MSRA: variants seen among roughly 807,000 people sequenced by gnomAD.
MSRA encodes mitochondrial peptide methionine sulfoxide reductase.
A neutral mutation model predicts 31.3 loss-of-function variants in MSRA; 54 were observed. The observed-to-expected ratio is 1.73, with a 90% CI of 1.39 to 2.17. The LOEUF (loss-of-function observed/expected upper bound fraction) is 2.17. Among genes scored for constraint, MSRA ranks in the 30% most tolerant of loss-of-function variants. The pLI, the probability that MSRA is intolerant of heterozygous loss-of-function variation, is 0.00. For synonymous variants in MSRA, 169 were observed against 116.5 expected, an observed-to-expected ratio of 1.45 and a Z score of -2.90; for missense variants, 507 against 300.9, an observed-to-expected ratio of 1.69 and a Z score of -5.07.
At chr8:10,197,810 G>A (rs972648116) in intron 1 of MSRA, among the ~76,000 whole-genome samples, 3 of 152,168 alleles carry the variant, frequency 2.0e-5, no homozygotes, top group African/African-American at 7.2e-5. Flanking sequence ...AGCTGGTTTG[G>A]TTTATTCTGG....
intron 3 of MSRA, among the ~76,000 whole-genome samples, chr8:10,284,692 A>G (rs538942644): frequency 1.8e-4 from 28 of 152,236 alleles, no homozygotes; most frequent in African/African-American, 6.7e-4. Context: ...CTGGAGCTAC[A>G]TTATGGAGGT....
At chr8:10,159,488 G>T (rs1212452170) in intron 1 of MSRA, among the ~76,000 whole-genome samples, 1 of 152,218 alleles carries the variant, frequency 6.6e-6, no homozygotes, top group African/African-American at 2.4e-5. Context: ...TCTTACTTCT[G>T]GAGCTTTGTG....
At chr8:10,250,286 T>G (rs1024018823) in intron 3 of MSRA, 1 of 601,858 alleles carries the variant, frequency 1.7e-6, no homozygotes, top group African/African-American at 1.8e-5. Context: ...GATGAAAATA[T>G]GAAAAGACAT....
At chr8:10,179,578 C>G (rs980799932) in intron 1 of MSRA, among the ~76,000 whole-genome samples, 4 of 152,168 alleles carry the variant, frequency 2.6e-5, no homozygotes, top group African/African-American at 9.7e-5. Flanking sequence ...AAGGTCTTGT[C>G]TTGCTTTCTT....
At chr8:10,146,161 G>C (rs1389476762) in intron 1 of MSRA, among the ~76,000 whole-genome samples, 1 of 152,164 alleles carries the variant, frequency 6.6e-6, no homozygotes, top group Admixed American at 6.5e-5. Context: ...CATAACCCTA[G>C]AGCAGCAAAG....
In MSRA at chr8:10,226,322, G is replaced by C. The variant is rs1449336355; in HGVS notation, c.211+18421G>C. Among the ~76,000 whole-genome samples, 3 of 152,046 alleles carry C rather than the reference G, an allele frequency of 2.0e-5. No individual in the cohort carries two copies. In the Admixed American group the frequency reaches 2.0e-4, roughly 10 times the overall value. ...TCTGGGATGAAATGGAGTGATCCAG[G>C]CTGATCTGCTGATGTTTTACTGCTT... On this transcript the variant is annotated intron_variant, in intron 2 of 5. Transcript: ENST00000317173.
At chr8:10,381,031 G>T (rs933962351) in intron 5 of MSRA, among the ~76,000 whole-genome samples, 2 of 151,984 alleles carry the variant, frequency 1.3e-5, no homozygotes, top group African/African-American at 2.4e-5. Context: ...AAAATGGATG[G>T]ATGGATAAAT....
At chr8:10,398,544 A>G (rs11989640) in intron 5 of MSRA, among the ~76,000 whole-genome samples, 106,554 of 152,124 alleles carry the variant, frequency 0.7, 37,983 homozygotes, top group African/African-American at 0.82. Flanking sequence ...CAGCAGAAAA[A>G]CAGAGTGCCC....
intron 4 of MSRA, among the ~76,000 whole-genome samples, chr8:10,314,080 G>T (rs896820511): frequency 2.0e-5 from 3 of 152,056 alleles, no homozygotes; most frequent in Non-Finnish European, 4.4e-5. Flanking sequence ...CATGACCTTG[G>T]GTTTCGGAAG....
intron 1 of MSRA, among the ~76,000 whole-genome samples, chr8:10,143,469 C>G (rs1292659687): frequency 6.6e-6 from 1 of 152,174 alleles, no homozygotes; most frequent in African/African-American, 2.4e-5. Context: ...GATTGTTAAT[C>G]AGGATTTGTC....
chr8:10,121,348 T>G (rs1482712909), intron 1 of MSRA, among the ~76,000 whole-genome samples: 1 of 152,182 alleles, frequency 6.6e-6, no homozygotes, highest in East Asian at 1.9e-4. Flanking sequence ...TGACCGTGCA[T>G]CCACCTGAGG....
At chr8:10,059,529 G>A (rs545622636) in intron 1 of MSRA, among the ~76,000 whole-genome samples, 2 of 152,298 alleles carry the variant, frequency 1.3e-5, no homozygotes, top group African/African-American at 4.8e-5. Context: ...AACAGTATGA[G>A]AACAGAATGT....
At chr8:10,327,546 A>G (rs182021089) in intron 5 of MSRA, among the ~76,000 whole-genome samples, 3 of 152,260 alleles carry the variant, frequency 2.0e-5, no homozygotes, top group African/African-American at 4.8e-5. Context: ...GTGACTCCCT[A>G]AGCTCTTCAG....
intron 5 of MSRA, among the ~76,000 whole-genome samples, chr8:10,350,907 C>T (rs1221135931): frequency 1.3e-5 from 2 of 152,260 alleles, no homozygotes; most frequent in African/African-American, 2.4e-5. Flanking sequence ...TCCAAGGCCG[C>T]CAGAGGGCTT....
At chr8:10,074,178 G>A (rs565253207) in intron 1 of MSRA, among the ~76,000 whole-genome samples, 2 of 138,714 alleles carry the variant, frequency 1.4e-5, no homozygotes, top group South Asian at 2.4e-4. Context: ...TGCCTCCAGG[G>A]TTCATACCAT....
intron 1 of MSRA, among the ~76,000 whole-genome samples, chr8:10,098,679 A>G (rs1799334827): frequency 6.6e-6 from 1 of 152,196 alleles, no homozygotes; most frequent in Admixed American, 6.5e-5. Context: ...AAATCAGGAG[A>G]TTAGTTGTAT....
At chr8:10,425,767 G>C (rs1465592173) in intron 5 of MSRA, among the ~76,000 whole-genome samples, 1 of 152,244 alleles carries the variant, frequency 6.6e-6, no homozygotes, top group African/African-American at 2.4e-5. Context: ...AGCACACCCG[G>C]GCTCTGGGCC....
chr8:10,323,212 C>G (rs1802156374), intron 5 of MSRA, among the ~76,000 whole-genome samples: 1 of 151,978 alleles, frequency 6.6e-6, no homozygotes, highest in Non-Finnish European at 1.5e-5. Flanking sequence ...ACCACAGGAA[C>G]CAACCCCAAC....
intron 1 of MSRA, among the ~76,000 whole-genome samples, chr8:10,195,279 C>T (rs544490876): frequency 3.2e-4 from 48 of 152,286 alleles, no homozygotes; most frequent in Admixed American, 2.4e-3. Flanking sequence ...CTCACTCTGT[C>T]GCCCAGGCTT....
Sources: gnomAD v4.1 joint callset for allele counts (sites outside exome capture counted in the v4.1 genomes callset) on GRCh38, gnomAD v4.1.1 for gene constraint, MANE v1.5 for transcripts, NCBI Gene and HGNC (gene_info 2026-07-23, HGNC 2026-07-21) for gene names.